The following TUBGCP4 variants were observed in gnomAD, a reference collection of about 807,000 sequenced individuals.
The protein encoded by TUBGCP4 is tubulin gamma complex component 4.
TUBGCP4 carries 54 observed loss-of-function variants against 91.6 expected under a neutral mutation model. That is an observed-to-expected ratio of 0.59 (90% CI 0.47 to 0.74). The LOEUF is 0.74. Ranked by LOEUF, TUBGCP4 falls within the 30% of genes least tolerant of loss-of-function variation. TUBGCP4 has a pLI of 0.00. For missense variants in TUBGCP4, 593 were observed against 800.9 expected (o/e 0.74, Z 3.13); for synonymous variants, 297 against 302.8 (o/e 0.98, Z 0.20).
At position 43,377,881 on chromosome 15, in the gene TUBGCP4, T is replaced by C; in HGVS notation, c.419T>C (p.Val140Ala). The C allele has an allele frequency of 6.2e-7, 1 of 1,606,926 alleles. No individual in the cohort carries two copies. The highest frequency in any genetic ancestry group is 8.5e-7 in the Non-Finnish European group (1 of 1,178,308). Residue 140 changes from valine to alanine, a missense_variant, in exon 5 of 18, where the codon GTA (valine) becomes GCA (alanine). Val to Ala is a moderately conservative substitution (Grantham distance 64). Transcript: ENST00000564079. ...CTTTTTCCCTCTGTGATGGTTGTAG[T>C]AGAACAAATTAAAAGTCAAAAGGTG... ...QLLFPSVMVV[V>A]EQIKSQKIHG...
At chr15:43,385,523 C>T (rs2044342356) in intron 7 of TUBGCP4, 6 of 507,722 alleles carry the variant, frequency 1.2e-5, no homozygotes, top group Admixed American at 2.9e-5. Flanking sequence ...GGAAGCTGGT[C>T]GACTGTGCAA....
At chr15:43,400,425 T>G (rs2044654867) in intron 14 of TUBGCP4, among the ~76,000 whole-genome samples, 1 of 151,986 alleles carries the variant, frequency 6.6e-6, no homozygotes. Flanking sequence ...AGAGACAGGG[T>G]CTTTCTCTGT....
intron 14 of TUBGCP4, 43 bp from the exon 15 acceptor site, chr15:43,401,673 T>G (rs2044684310): frequency 6.2e-7 from 1 of 1,607,080 alleles, no homozygotes; most frequent in African/African-American, 1.3e-5. Flanking sequence ...CTTCGAGTGC[T>G]TAGAATATGC....
At chr15:43,379,294 G>C (rs1238880851) in intron 5 of TUBGCP4, among the ~76,000 whole-genome samples, 1 of 152,210 alleles carries the variant, frequency 6.6e-6, no homozygotes, top group Non-Finnish European at 1.5e-5. Context: ...TTGTTTATTA[G>C]TATGCTTAAA....
Position 43,408,989 on chromosome 15 carries a change from G to A in TUBGCP4, c.*3775G>A. The A allele has an allele frequency of 1.2e-6, 2 of 1,614,164 alleles. No individual in the cohort carries two copies. Among genetic ancestry groups the A allele is most frequent in the South Asian group, 1.1e-5 (1 of 91,088 alleles). On this transcript the variant is annotated 3_prime_UTR_variant, in exon 18 of 18. Coordinates refer to ENST00000564079, the MANE Select transcript of TUBGCP4 (RefSeq NM_014444.5). ...GCTGGTTGGCATGGCAACTATCATGGACCCAGACATGAGACACACAAGGAA... is the reference window on the plus strand; with the variant it reads ...GCTGGTTGGCATGGCAACTATCATGAACCCAGACATGAGACACACAAGGAA...
Position 43,383,337 on chromosome 15 carries a change from C to T in TUBGCP4, c.556C>T (p.Gln186Ter), listed in dbSNP as rs1281303824. 6.2e-7 allele frequency: 1 copy of T among 1,614,094 alleles called. No homozygotes were observed. Among genetic ancestry groups the T allele is most frequent in the Non-Finnish European group, 8.5e-7 (1 of 1,179,978 alleles). The change falls in exon 7 of 18, where the codon CAG (glutamine) becomes TAG (stop). Residue 186 changes from glutamine (Q) to a stop codon, truncating the protein, a stop_gained. Transcript: ENST00000564079. LOFTEE classifies it high-confidence loss of function. The stretch of plus-strand genomic sequence containing the variant: ...CGTTTGTCATGGGGTCATGTATAAA[C>T]AGCTCTCAGCCTGGATGCTCCATGG... Reference protein sequence around the residue: ...LAVCHGVMYKQLSAWMLHGLL... With the variant: ...LAVCHGVMYK
rs748065636 is a variant in TUBGCP4, at chr15:43,377,032, C to T, written c.349C>T (p.Leu117Phe). The change falls in exon 4 of 18, where the codon CTC becomes TTC. Residue 117 changes from leucine (L) to phenylalanine (F), a missense_variant. Coordinates refer to ENST00000564079, the MANE Select transcript of TUBGCP4 (RefSeq NM_014444.5). ...LEQEFLGDPH[L>F]SISHVNYFLD... ...ATTGCAGTTCCTGGGTGATCCCCATCTCTCCATATCACATGTCAACTACTT... is the reference window on the plus strand; with the variant it reads ...ATTGCAGTTCCTGGGTGATCCCCATTTCTCCATATCACATGTCAACTACTT... The T allele has an allele frequency of 6.2e-7, 1 of 1,613,970 alleles. No individual in the cohort carries two copies. The highest frequency in any genetic ancestry group is 1.1e-5 in the South Asian group (1 of 91,076).
chr15:43,396,664 G>A (rs553356795), intron 11 of TUBGCP4, among the ~76,000 whole-genome samples: 5 of 152,122 alleles, frequency 3.3e-5, no homozygotes, highest in South Asian at 2.1e-4. Flanking sequence ...GATGGTTTTC[G>A]GCTAAGTTTG....
At position 43,380,173 on chromosome 15, in the gene TUBGCP4, G is replaced by A; in HGVS notation, c.521+10G>A. ...GAAGTGCACTGGAAAAGTAAGTCAT[G>A]GCTTAACTGGGAATTGGTGGTGGAG... On this transcript the variant is annotated intron_variant, in intron 6 of 17. Coordinates refer to ENST00000564079, the MANE Select transcript of TUBGCP4 (RefSeq NM_014444.5). 6.2e-7 allele frequency: 1 copy of A among 1,611,884 alleles called. No individual in the cohort carries two copies. The highest frequency in any genetic ancestry group is 1.1e-5 in the South Asian group (1 of 90,932).
At chr15:43,374,066 A>T (rs774929971) in intron 1 of TUBGCP4, among the ~76,000 whole-genome samples, 1 of 152,170 alleles carries the variant, frequency 6.6e-6, no homozygotes, top group African/African-American at 2.4e-5. Context: ...TCAATTTTCT[A>T]TGGACTTGGT....
At chr15:43,405,063 A>T (rs1024014598) in intron 17 of TUBGCP4, 139 bp from the exon 18 acceptor site, 1 of 930,232 alleles carries the variant, frequency 1.1e-6, no homozygotes, top group Non-Finnish European at 1.6e-6. Flanking sequence ...TTTCTAAGCT[A>T]TTGTAGCAGA....
chr15:43,385,684 C>A, intron 7 of TUBGCP4, 107 bp from the exon 8 acceptor site: 1 of 1,195,384 alleles, frequency 8.4e-7, no homozygotes, highest in East Asian at 2.4e-5. Context: ...ATTTGAAGTC[C>A]CTGCGTCTTT....
At chr15:43,392,121 T>A (rs556584183) in intron 9 of TUBGCP4, among the ~76,000 whole-genome samples, 2 of 132,952 alleles carry the variant, frequency 1.5e-5, no homozygotes, top group Non-Finnish European at 3.2e-5. Context: ...CACACACACA[T>A]ATTTTTTTTT....
rs1001324267 is a variant in TUBGCP4 at position 43,409,438 on chromosome 15, T to C, written c.*4224T>C. The stretch of plus-strand genomic sequence containing the variant: ...TTCTTTTGTCCCAGCAACAGAACCA[T>C]AGCCATTAACTAACCCAAGGTCCTA... On this transcript the variant is annotated 3_prime_UTR_variant, in exon 18 of 18. Coordinates refer to ENST00000564079, the MANE Select transcript of TUBGCP4 (RefSeq NM_014444.5). 5 of 539,098 alleles carry C rather than the reference T, an allele frequency of 9.3e-6. No homozygotes were observed. The highest frequency in any genetic ancestry group is 1.3e-5 in the Non-Finnish European group (4 of 305,460). The allele number at this position is 539,098 out of a possible 1,614,324, so 33.4% of individuals were successfully genotyped here.
At chr15:43,380,381 T>TA (rs2044269478) in intron 6 of TUBGCP4, among the ~76,000 whole-genome samples, 1 of 152,254 alleles carries the variant, frequency 6.6e-6, no homozygotes, top group African/African-American at 2.4e-5. Flanking sequence ...AGCCAGGATT[T>TA]AGGTGCCTGG....
chr15:43,386,110 G>A, intron 8 of TUBGCP4, 96 bp from the exon 9 acceptor site: 1 of 1,533,148 alleles, frequency 6.5e-7, no homozygotes, highest in Non-Finnish European at 8.8e-7. Flanking sequence ...AGAAGCAGGT[G>A]AAGTTGCTGC....
intron 15 of TUBGCP4, chr15:43,402,328 G>T (rs1227453695): frequency 6.5e-6 from 1 of 153,756 alleles, no homozygotes; most frequent in Admixed American, 6.4e-5. Context: ...AACTAAAAAG[G>T]CATGTTAAAC....
chr15:43,407,638 T>C lies in TUBGCP4; in HGVS notation c.*2424T>C. 3 of 1,465,068 alleles carry C rather than the reference T, an allele frequency of 2.0e-6. No individual in the cohort carries two copies. Among genetic ancestry groups the C allele is most frequent in the Middle Eastern group, 1.8e-4 (1 of 5,634 alleles). The allele number at this position is 1,465,068 out of a possible 1,614,324, so 90.8% of individuals were successfully genotyped here. ...CTTAGCCCTCCATTAGAAAGAGAGA[T>C]TTGATTCTAACCAATACATCCCACT... On this transcript the variant is annotated 3_prime_UTR_variant, in exon 18 of 18. Transcript: ENST00000564079.
rs1185566089 is a variant in TUBGCP4, at chr15:43,383,528, GCA to G, written c.723+26_723+27del. On this transcript the variant is annotated intron_variant, in intron 7 of 17. Transcript: ENST00000564079. ...TGGTGAGAGCCCAAAAAGTAGCCTA[GCA>G]CTCTCCTGCCAGGAGTCAGAAAAGC... 3.2e-6 allele frequency: 5 copies of G among 1,560,634 alleles called. No individual in the cohort carries two copies. In the African/African-American group the frequency reaches 6.8e-5, roughly 21 times the overall value.
Sources: gnomAD v4.1 joint callset for allele counts (sites outside exome capture counted in the v4.1 genomes callset) on GRCh38, gnomAD v4.1.1 for gene constraint, MANE v1.5 for transcripts, NCBI Gene and HGNC (gene_info 2026-07-23, HGNC 2026-07-21) for gene names.